ATP8B4: variants seen among roughly 807,000 people sequenced by gnomAD.
ATP8B4 encodes the protein probable phospholipid-transporting ATPase IM.
ATP8B4 carries 133 observed loss-of-function variants against 145.6 expected under a neutral mutation model. The ratio of observed to expected loss-of-function variants is 0.91; its 90% CI spans 0.79 to 1.05. ATP8B4 has a LOEUF of 1.05. Ranked by LOEUF, ATP8B4 falls within the 50% of genes least tolerant of loss-of-function variation. The probability of loss-of-function intolerance (pLI) is 0.00; values close to 1 mark genes in which losing one functional copy is unlikely to be tolerated. For missense variants in ATP8B4, 1,458 were observed against 1,425.2 expected (o/e 1.02, Z -0.37); for synonymous variants, 507 against 492.9 (o/e 1.03, Z -0.38).
chr15:49,981,072 T>C, intron 11 of ATP8B4, 134 bp downstream of exon 11: 2 of 662,240 alleles, frequency 3.0e-6, no homozygotes, highest in South Asian at 4.0e-5. Context: ...GCAGTATAAC[T>C]GAGCCTCAAA....
intron 12 of ATP8B4, among the ~76,000 whole-genome samples, chr15:49,976,737 G>T (rs1019396675): frequency 6.6e-6 from 1 of 152,168 alleles, no homozygotes; most frequent in African/African-American, 2.4e-5. Context: ...GAGAAAATGG[G>T]CATCGTTTTT....
Position 50,075,743 on chromosome 15 carries a change from G to A in ATP8B4, c.29-1558C>T, listed in dbSNP as rs906990439. Among the ~76,000 whole-genome samples the A allele has an allele frequency of 2.6e-5, 4 of 152,192 alleles. No individual in the cohort carries two copies. In the East Asian group the frequency reaches 7.7e-4, roughly 29 times the overall value. ...CCTGAAGGAAACACCTCAAACCCTGGCTAAAAAGCACCATCCTGTCTTTCT... is the reference window on the plus strand; with the variant it reads ...CCTGAAGGAAACACCTCAAACCCTGACTAAAAAGCACCATCCTGTCTTTCT... On this transcript the variant is annotated intron_variant, in intron 2 of 27. Transcript: ENST00000284509.
intron 2 of ATP8B4, among the ~76,000 whole-genome samples, chr15:50,100,035 CAAAAAAAAA>C (rs751319243): frequency 1.2e-5 from 1 of 80,256 alleles, no homozygotes; most frequent in Non-Finnish European, 2.5e-5. Flanking sequence ...AACTCCATCT[CAAAAAAAAA>C]AAAAAAAAAA....
chr15:50,010,272 C>T (rs2048630989), intron 7 of ATP8B4, among the ~76,000 whole-genome samples: 1 of 151,936 alleles, frequency 6.6e-6, no homozygotes, highest in South Asian at 2.1e-4. Flanking sequence ...TTAGACTAAT[C>T]CCTTGAATTT....
chr15:50,149,930 GTC>G (rs756418677), intron 1 of ATP8B4, among the ~76,000 whole-genome samples: 2 of 152,074 alleles, frequency 1.3e-5, no homozygotes, highest in Admixed American at 6.6e-5. Context: ...GCAAAACGCT[GTC>G]TCTACTAAAA....
chr15:50,074,907 A>G (rs1443764751), intron 2 of ATP8B4, among the ~76,000 whole-genome samples: 2 of 152,226 alleles, frequency 1.3e-5, no homozygotes, highest in Non-Finnish European at 2.9e-5. Context: ...CTCTTGCTCC[A>G]TGTTTACTGA....
intron 23 of ATP8B4, among the ~76,000 whole-genome samples, chr15:49,890,485 A>C (rs1454946793): frequency 6.6e-6 from 1 of 152,176 alleles, no homozygotes; most frequent in African/African-American, 2.4e-5. Context: ...GTAAGTGGCT[A>C]TCTAAGGGGC....
At chr15:49,982,392 A>T (rs1057266271) in intron 10 of ATP8B4, 4 of 152,134 alleles carry the variant, frequency 2.6e-5, no homozygotes, top group Non-Finnish European at 4.4e-5. Flanking sequence ...TCATATGAAC[A>T]TTGAGGGTGG....
chr15:49,921,650 C>T (rs959235913), intron 17 of ATP8B4, among the ~76,000 whole-genome samples: 1 of 152,054 alleles, frequency 6.6e-6, no homozygotes, highest in African/African-American at 2.4e-5. Context: ...GGTGTTTTGG[C>T]GTATGGTACA....
chr15:50,089,369 A>G (rs908093524), intron 2 of ATP8B4, among the ~76,000 whole-genome samples: 1 of 152,212 alleles, frequency 6.6e-6, no homozygotes, highest in African/African-American at 2.4e-5. Context: ...AAATTTTTGC[A>G]ATCTATCCAC....
At chr15:50,063,816 T>C (rs1253025003) in intron 3 of ATP8B4, among the ~76,000 whole-genome samples, 1 of 152,188 alleles carries the variant, frequency 6.6e-6, no homozygotes, top group Non-Finnish European at 1.5e-5. Context: ...AATTTGTGTT[T>C]GATATTTTAA....
At chr15:49,947,136 A>G (rs777150688) in intron 14 of ATP8B4, among the ~76,000 whole-genome samples, 18 of 152,198 alleles carry the variant, frequency 1.2e-4, no homozygotes, top group Admixed American at 4.6e-4. Context: ...ACTGAAAATT[A>G]GAAAACATTG....
intron 24 of ATP8B4, 128 bp downstream of exon 24, chr15:49,879,248 T>C (rs761051132): frequency 3.7e-6 from 3 of 800,786 alleles, no homozygotes; most frequent in Non-Finnish European, 5.9e-6. Flanking sequence ...GTGTGATCCA[T>C]GCAAAAGCAA....
chr15:49,993,392 C>T (rs2153550793), intron 9 of ATP8B4, among the ~76,000 whole-genome samples: 1 of 130,556 alleles, frequency 7.7e-6, no homozygotes, highest in African/African-American at 2.9e-5. Context: ...GTGTGTGTGT[C>T]AGAGATATTA....
intron 20 of ATP8B4, among the ~76,000 whole-genome samples, chr15:49,906,073 A>G (rs1295377134): frequency 6.6e-6 from 1 of 152,190 alleles, no homozygotes; most frequent in African/African-American, 2.4e-5. Flanking sequence ...GCATTTTCCA[A>G]TGTCGAAAAA....
intron 1 of ATP8B4, among the ~76,000 whole-genome samples, chr15:50,139,108 A>T (rs1368006168): frequency 6.6e-6 from 1 of 152,228 alleles, no homozygotes; most frequent in African/African-American, 2.4e-5. Flanking sequence ...AAGGATTATA[A>T]ATCATTGTAC....
rs1397379484 is a variant in ATP8B4 at position 49,859,613 on chromosome 15, C to CT, written c.*580_*581insA. ...GGTATAAAAATGAGAAACACAAGCA[C>CT]ACTTTTGTATTCTTCAGGCTTGGAA... On this transcript the variant is annotated 3_prime_UTR_variant, in exon 28 of 28. Coordinates refer to ENST00000284509, the MANE Select transcript of ATP8B4 (RefSeq NM_024837.4). 1 of 152,292 alleles carries CT rather than the reference C, an allele frequency of 6.6e-6. No homozygotes were observed. Among genetic ancestry groups the CT allele is most frequent in the Admixed American group, 6.5e-5 (1 of 15,282 alleles). The allele number at this position is 152,292 out of a possible 1,614,324, so 9.4% of individuals were successfully genotyped here. A position where few individuals can be genotyped will look rare whatever the true frequency, so the allele number is the denominator to read the frequency against.
At chr15:49,974,557 A>G (rs192591480) in intron 12 of ATP8B4, among the ~76,000 whole-genome samples, 394 of 152,116 alleles carry the variant, frequency 2.6e-3, no homozygotes, top group African/African-American at 9.2e-3. Flanking sequence ...CAGTTTTTCA[A>G]TATGAGTTTT....
intron 1 of ATP8B4, among the ~76,000 whole-genome samples, chr15:50,114,794 C>T (rs111871167): frequency 1.3e-5 from 2 of 152,296 alleles, no homozygotes; most frequent in East Asian, 1.9e-4. Context: ...TAAGGGAAAG[C>T]GATGATTATT....
Sources: gnomAD v4.1 joint callset for allele counts (sites outside exome capture counted in the v4.1 genomes callset) on GRCh38, gnomAD v4.1.1 for gene constraint, MANE v1.5 for transcripts, NCBI Gene and HGNC (gene_info 2026-07-23, HGNC 2026-07-21) for gene names.